The following LONP1 variants were observed in gnomAD, a reference collection of about 807,000 sequenced individuals.
LONP1 encodes lon protease homolog, mitochondrial.
LONP1 carries 31 observed loss-of-function variants against 98.5 expected under a neutral mutation model. That is an observed-to-expected ratio of 0.31 (90% CI 0.24 to 0.42). The LOEUF (loss-of-function observed/expected upper bound fraction) is 0.42. LONP1 is among the 20% of genes least tolerant of loss of function. The pLI, the probability that LONP1 is intolerant of heterozygous loss-of-function variation, is 1.00. For missense variants in LONP1, 1,336 were observed against 1,350.6 expected (o/e 0.99, Z 0.17); for synonymous variants, 781 against 594.7 (o/e 1.31, Z -4.56).
chr19:5,703,033 T>G (rs946840754), intron 8 of LONP1, among the ~76,000 whole-genome samples: 2 of 149,574 alleles, frequency 1.3e-5, no homozygotes, highest in Non-Finnish European at 3.0e-5. Flanking sequence ...AAAAAAAAAT[T>G]AGCTGGGCGT....
At chr19:5,694,277 G>A (rs1599444448) in intron 15 of LONP1, 110 bp downstream of exon 15, 1 of 1,422,394 alleles carries the variant, frequency 7.0e-7, no homozygotes, top group Non-Finnish European at 9.5e-7. Context: ...CCCGCCAGAG[G>A]CCGTTCAGAG....
At chr19:5,715,376 G>A (rs943565776) in intron 1 of LONP1, among the ~76,000 whole-genome samples, 2 of 149,452 alleles carry the variant, frequency 1.3e-5, no homozygotes, top group African/African-American at 2.5e-5. Context: ...GGGCGCGGTG[G>A]CTCACGCCTG....
Position 5,706,029 on chromosome 19 carries a change from G to A in LONP1, c.1147-37C>T, listed in dbSNP as rs199520842. ...GGTGCTGCCATCAGGCCCTGGCTCC[G>A]GGAAGCTGGGTGGGTGGGTGCGTCC... On this transcript the variant is annotated intron_variant, in intron 7 of 17. Transcript: ENST00000360614. 2.1e-4 allele frequency: 321 copies of A among 1,505,354 alleles called. 4 individuals are homozygous for A. The African/African-American group carries it at 3.1e-3, about 15-fold the overall frequency. The allele number at this position is 1,505,354 out of a possible 1,614,324, so 93.2% of individuals were successfully genotyped here.
At chr19:5,701,322 G>A (rs949383626) in intron 8 of LONP1, among the ~76,000 whole-genome samples, 3 of 151,808 alleles carry the variant, frequency 2.0e-5, no homozygotes, top group Non-Finnish European at 1.5e-5. Context: ...TCTGCCCTCT[G>A]CCTCTCCCCT....
intron 4 of LONP1, chr19:5,708,690 G>A (rs1200082591): frequency 1.1e-5 from 4 of 375,192 alleles, no homozygotes; most frequent in African/African-American, 4.1e-5. Flanking sequence ...GAAAAAAAGA[G>A]ACTGTGTTTT....
intron 15 of LONP1, 46 bp downstream of exon 15, chr19:5,694,341 T>C: frequency 2.5e-6 from 4 of 1,600,216 alleles, no homozygotes; most frequent in South Asian, 2.2e-5. Context: ...TGTTCTCGGG[T>C]AGAAATGGGA....
chr19:5,705,627 C>A (rs1228058964), intron 8 of LONP1, 145 bp downstream of exon 8: 3 of 646,758 alleles, frequency 4.6e-6, no homozygotes, highest in Non-Finnish European at 8.2e-6. Flanking sequence ...CAGAACAGGG[C>A]TGATACTCGC....
intron 4 of LONP1, among the ~76,000 whole-genome samples, chr19:5,710,430 C>G (rs758053131): frequency 2.0e-5 from 3 of 150,826 alleles, no homozygotes; most frequent in Non-Finnish European, 4.4e-5. Context: ...GGGTCTCACT[C>G]TGTTGCCCAG....
In LONP1 at chr19:5,714,343, C is replaced by T. The variant is rs971412585; in HGVS notation, c.430-72G>A. The T allele has an allele frequency of 1.2e-5, 13 of 1,073,268 alleles. No individual in the cohort carries two copies. The African/African-American group carries it at 1.7e-4, about 14-fold the overall frequency. 66.5% of individuals were successfully genotyped at this position (1,073,268 alleles called of 1,614,324 possible). ...TTTGAGACAGAGTCTCATTCTGTTG[C>T]CCTGGCTGGAATGTAATGGCGTGAT... On this transcript the variant is annotated intron_variant, in intron 1 of 17. Transcript: ENST00000360614.
intron 10 of LONP1, among the ~76,000 whole-genome samples, chr19:5,698,248 G>A (rs563672760): frequency 1.2e-4 from 18 of 152,294 alleles, no homozygotes; most frequent in South Asian, 8.3e-4. Flanking sequence ...GGCCTGAGCC[G>A]GGAGGTCGGG....
Position 5,719,903 on chromosome 19 carries a change from C to T in LONP1, c.230G>A (p.Gly77Asp). The T allele has an allele frequency of 1.3e-6, 2 of 1,553,438 alleles. No homozygotes were observed. The highest frequency in any genetic ancestry group is 2.3e-5 in the South Asian group (2 of 85,182). The change falls in exon 1 of 18, where the codon GGC becomes GAC. Residue 77 changes from glycine (G) to aspartate (D), a missense_variant. This residue lies in a region of LONP1 where 457 missense variants were observed against 403.1 expected (regional missense o/e 1.13). Coordinates refer to ENST00000360614, the MANE Select transcript of LONP1 (RefSeq NM_004793.4). Reference sequence around the variant, plus strand: ...GGCGTCCTCGCCCCCCGAGAATGCGCCTCCGCCGCGGCTGCTCGCTTCCCA... The same window carrying T: ...GGCGTCCTCGCCCCCCGAGAATGCGTCTCCGCCGCGGCTGCTCGCTTCCCA... ...GFWEASSRGG[G>D]AFSGGEDASE...
intron 13 of LONP1, among the ~76,000 whole-genome samples, 159 bp downstream of exon 13, chr19:5,695,895 A>G (rs1429489257): frequency 6.6e-6 from 1 of 151,994 alleles, no homozygotes; most frequent in African/African-American, 2.4e-5. Context: ...GCTGCTCGCA[A>G]GCGTCTGGTG....
chr19:5,693,599 C>A lies in LONP1; in HGVS notation c.2491G>T (p.Ala831Ser), dbSNP rs141916070. The change falls in exon 16 of 18, where the codon GCC (alanine) becomes TCC (serine). Residue 831 changes from alanine (A) to serine (S), a missense_variant. Physicochemically the swap from Ala to Ser is moderately conservative, Grantham distance 99. This residue lies in a region of LONP1 where 555 missense variants were observed against 542.6 expected (regional missense o/e 1.02). Coordinates refer to ENST00000360614, the MANE Select transcript of LONP1 (RefSeq NM_004793.4). ...ARAFLMQHAP[A>S]NDYLVTSHIH... The stretch of plus-strand genomic sequence containing the variant: ...TGTGAGGTCACCAGGTAGTCATTGG[C>A]GGGGGCGTGCTGCATGAGGAAGGCT... 1 of 1,614,030 alleles carries A rather than the reference C, an allele frequency of 6.2e-7. No homozygotes were observed. Among genetic ancestry groups the A allele is most frequent in the Non-Finnish European group, 8.5e-7 (1 of 1,179,970 alleles).
In LONP1 at chr19:5,694,861, T is replaced by C. The variant is rs1338547016; in HGVS notation, c.2054A>G (p.Asp685Gly). 1 of 1,602,056 alleles carries C rather than the reference T, an allele frequency of 6.2e-7. No homozygotes were observed. Among genetic ancestry groups the C allele is most frequent in the South Asian group, 1.1e-5 (1 of 90,868 alleles). The change falls in exon 14 of 18, where the codon GAT becomes GGT. Residue 685 changes from aspartate to glycine, a missense_variant. Asp to Gly is a moderately conservative substitution (Grantham distance 94). Around this residue, in one of 5 missense-constraint regions of LONP1, gnomAD observed 555 missense variants for 542.6 expected, o/e 1.02. Transcript: ENST00000360614. Reference protein sequence around the residue: ...VPQARALCGLDESKAKLSSDV... With the variant: ...VPQARALCGLGESKAKLSSDV... The stretch of plus-strand genomic sequence containing the variant: ...CGATGACAGCTTGGCCTTGCTCTCA[T>C]CCAAGCCACACAGGGCGCGAGCCTG...
intron 10 of LONP1, among the ~76,000 whole-genome samples, chr19:5,697,530 A>C (rs1219328946): frequency 8.7e-6 from 1 of 115,228 alleles, no homozygotes; most frequent in African/African-American, 3.3e-5. Flanking sequence ...GAGGGAGGAG[A>C]GGGGGAAGAG....
intron 4 of LONP1, among the ~76,000 whole-genome samples, chr19:5,710,467 C>A (rs1181060151): frequency 6.6e-6 from 1 of 151,974 alleles, no homozygotes; most frequent in Admixed American, 6.6e-5. Flanking sequence ...GCGATCACAG[C>A]TCACTGCAGC....
In LONP1 at chr19:5,707,829, G is replaced by A; in HGVS notation, c.933-3C>T. 1.2e-6 allele frequency: 2 copies of A among 1,612,668 alleles called. No individual in the cohort carries two copies. Among genetic ancestry groups the A allele is most frequent in the Non-Finnish European group, 1.7e-6 (2 of 1,179,736 alleles). On this transcript the variant is annotated splice_polypyrimidine_tract_variant and splice_region_variant and intron_variant, in intron 5 of 17. Transcript: ENST00000360614. ...GCATCATCTGCAGCACTGACTCCCT[G>A]GGGGACAAAGGGAGCTGCCTCGGTG... is the stretch of plus-strand genomic sequence containing the variant.
At position 5,693,650 on chromosome 19, in the gene LONP1, C is replaced by T. The variant is rs566420786; in HGVS notation, c.2440G>A (p.Ala814Thr). 1.7e-5 allele frequency: 28 copies of T among 1,614,030 alleles called. No individual in the cohort carries two copies. The highest frequency in any genetic ancestry group is 8.9e-5 in the East Asian group (4 of 44,864). ...GQLGEVMKES[A>T]RIAYTFARAF... ...CTGGCGAAGGTGTAGGCTATGCGGG[C>T]GCTCTCCTTCATCACCTCCCCCAGC... The change falls in exon 16 of 18, where the codon GCC (alanine) becomes ACC (threonine). Residue 814 changes from alanine (A) to threonine (T), a missense_variant. By Grantham distance (58) the Ala-to-Thr change is moderately conservative. This residue lies in a region of LONP1 where 555 missense variants were observed against 542.6 expected (regional missense o/e 1.02). Transcript: ENST00000360614.
Position 5,712,805 on chromosome 19 carries a change from C to T in LONP1, c.638+329G>A, listed in dbSNP as rs183976621. Among the ~76,000 whole-genome samples, 360 of 152,022 alleles carry T rather than the reference C, an allele frequency of 2.4e-3. 2 individuals are homozygous for T. The highest frequency in any genetic ancestry group is 8.4e-3 in the African/African-American group (350 of 41,460). The stretch of plus-strand genomic sequence containing the variant: ...CCACCACATCCAGCTAATTTTTCTA[C>T]ATTTTTTGCAGAGATGGGATCTCGC... On this transcript the variant is annotated intron_variant, in intron 3 of 17. Transcript: ENST00000360614.
Sources: gnomAD v4.1 joint callset for allele counts (sites outside exome capture counted in the v4.1 genomes callset) on GRCh38, gnomAD v4.1.1 for gene constraint, gnomAD v4.1.1 regional missense constraint, MANE v1.5 for transcripts, NCBI Gene and HGNC (gene_info 2026-07-23, HGNC 2026-07-21) for gene names.